SYNPR: variants seen among roughly 807,000 people sequenced by gnomAD.
SYNPR encodes the protein synaptoporin.
A neutral mutation model predicts 32.9 loss-of-function variants in SYNPR; 23 were observed. The ratio of observed to expected loss-of-function variants is 0.70; its 90% CI spans 0.50 to 0.99. The LOEUF (loss-of-function observed/expected upper bound fraction) is 0.99. Among genes scored for constraint, SYNPR ranks in the 50% least tolerant of loss-of-function variants. The pLI, the probability that SYNPR is intolerant of heterozygous loss-of-function variation, is 0.00. For missense variants in SYNPR, 318 were observed against 349.3 expected (o/e 0.91, Z 0.71); for synonymous variants, 146 against 135.9 (o/e 1.07, Z -0.52).
At chr3:63,228,943 A>C (rs1211026122) in intron 1 of SYNPR, among the ~76,000 whole-genome samples, 1 of 152,104 alleles carries the variant, frequency 6.6e-6, no homozygotes, top group Non-Finnish European at 1.5e-5. Context: ...AAACAAACAA[A>C]CAAACAAACA....
intron 2 of SYNPR, among the ~76,000 whole-genome samples, chr3:63,420,942 G>A (rs761654466): frequency 2.6e-5 from 4 of 152,068 alleles, no homozygotes; most frequent in East Asian, 3.9e-4. Context: ...GTGCAGTGGC[G>A]TGATCATGGC....
At chr3:63,387,216 C>T (rs375280816) in intron 2 of SYNPR, among the ~76,000 whole-genome samples, 1 of 152,184 alleles carries the variant, frequency 6.6e-6, no homozygotes, top group African/African-American at 2.4e-5. Context: ...ACAATTTTCA[C>T]CATATCCATT....
intron 2 of SYNPR, among the ~76,000 whole-genome samples, chr3:63,453,797 A>C (rs1162593019): frequency 6.6e-6 from 1 of 152,118 alleles, no homozygotes; most frequent in Admixed American, 6.6e-5. Flanking sequence ...CCATTCAGGA[A>C]AGAGAGCAGC....
Position 63,255,268 on chromosome 3 carries a change from C to T in SYNPR, n.154+2682C>T, listed in dbSNP as rs907793739. 4.1e-4 allele frequency among the ~76,000 whole-genome samples: 62 copies of T among 152,068 alleles called. 3 individuals carry two copies. On this transcript the variant is annotated intron_variant and non_coding_transcript_variant, in intron 2 of 4. Coordinates refer to the SYNPR transcript ENST00000478456. ...TAAGTGAGTTTCTCATTGTGTGTTG[C>T]TGTCAAAAAACTTGAAAATTTCCAG... is the stretch of plus-strand genomic sequence containing the variant.
chr3:63,580,688 G>T (rs765957198), intron 4 of SYNPR, among the ~76,000 whole-genome samples: 5 of 152,072 alleles, frequency 3.3e-5, no homozygotes, highest in Admixed American at 6.6e-5. Context: ...AGCATGCATG[G>T]TCTCATTTCC....
At chr3:63,515,555 T>A (rs1352638180) in intron 3 of SYNPR, among the ~76,000 whole-genome samples, 1 of 152,100 alleles carries the variant, frequency 6.6e-6, no homozygotes, top group Non-Finnish European at 1.5e-5. Context: ...ATTCAAAATA[T>A]CACAGAGTTC....
At chr3:63,432,547 G>A (rs1403176227) in intron 2 of SYNPR, among the ~76,000 whole-genome samples, 2 of 152,178 alleles carry the variant, frequency 1.3e-5, no homozygotes, top group African/African-American at 4.8e-5. Context: ...CTTAGGAAAG[G>A]GCCTGGTGCA....
At chr3:63,575,424 C>A (rs1156743910) in intron 4 of SYNPR, among the ~76,000 whole-genome samples, 1 of 152,092 alleles carries the variant, frequency 6.6e-6, no homozygotes, top group Non-Finnish European at 1.5e-5. Context: ...AGCTCCTATT[C>A]CCACATCCAT....
chr3:63,510,399 G>C (rs1029159647), intron 3 of SYNPR, among the ~76,000 whole-genome samples: 7 of 152,144 alleles, frequency 4.6e-5, no homozygotes, highest in Non-Finnish European at 1.0e-4. Context: ...AGCCATAGAT[G>C]ACTGAACTTG....
intron 2 of SYNPR, among the ~76,000 whole-genome samples, chr3:63,447,037 C>T (rs1700291139): frequency 1.3e-5 from 2 of 152,022 alleles, no homozygotes; most frequent in South Asian, 2.1e-4. Flanking sequence ...AAAAAAAAGT[C>T]ATAATTGGGT....
At chr3:63,389,859 T>C (rs1299987429) in intron 2 of SYNPR, among the ~76,000 whole-genome samples, 1 of 152,240 alleles carries the variant, frequency 6.6e-6, no homozygotes, top group Non-Finnish European at 1.5e-5. Context: ...ATTCTGACTT[T>C]GCAGGATTGT....
intron 2 of SYNPR, among the ~76,000 whole-genome samples, chr3:63,257,479 G>C (rs946196470): frequency 2.4e-4 from 37 of 152,132 alleles, no homozygotes; most frequent in Admixed American, 1.1e-3. Flanking sequence ...AACTTCATAA[G>C]TGAAGGAGAA....
At chr3:63,290,721 G>A (rs2086730070) in intron 2 of SYNPR, among the ~76,000 whole-genome samples, 1 of 149,592 alleles carries the variant, frequency 6.7e-6, no homozygotes, top group African/African-American at 2.6e-5. Flanking sequence ...AAATTCCTAA[G>A]TCAGGCAGCT....
At chr3:63,382,699 C>G (rs998974462) in intron 2 of SYNPR, among the ~76,000 whole-genome samples, 1 of 152,124 alleles carries the variant, frequency 6.6e-6, no homozygotes, top group Admixed American at 6.6e-5. Context: ...TTTTTCTCCT[C>G]CTTTCGGAGT....
chr3:63,539,737 A>T (rs1702266516), intron 3 of SYNPR, among the ~76,000 whole-genome samples: 1 of 152,162 alleles, frequency 6.6e-6, no homozygotes. Context: ...AGCGAGACAG[A>T]GAAGGGAGCA....
chr3:63,610,588 A>G, intron 5 of SYNPR: 1 of 667,236 alleles, frequency 1.5e-6, no homozygotes, highest in South Asian at 1.6e-5. Flanking sequence ...GCTCTGCATT[A>G]GGGTCTCACA....
At chr3:63,530,431 C>A (rs1041298309) in intron 3 of SYNPR, among the ~76,000 whole-genome samples, 3 of 152,124 alleles carry the variant, frequency 2.0e-5, no homozygotes, top group Admixed American at 2.0e-4. Context: ...TCTATCTTCA[C>A]TGGAAGGTTC....
chr3:63,550,684 A>T (rs1005987118), intron 3 of SYNPR, among the ~76,000 whole-genome samples: 1 of 152,200 alleles, frequency 6.6e-6, no homozygotes, highest in African/African-American at 2.4e-5. Flanking sequence ...GAACAGGTGC[A>T]TTGGAGACAT....
intron 4 of SYNPR, among the ~76,000 whole-genome samples, chr3:63,582,320 G>T (rs371894589): frequency 2.6e-5 from 4 of 151,930 alleles, no homozygotes; most frequent in African/African-American, 9.7e-5. Flanking sequence ...AAGAACCTTC[G>T]CTTTTTTTAG....
Sources: allele counts gnomAD v4.1 joint callset (sites outside exome capture counted in the v4.1 genomes callset), GRCh38; gene constraint gnomAD v4.1.1; transcripts MANE v1.5; gene names NCBI Gene and HGNC (gene_info 2026-07-23, HGNC 2026-07-21).